EXOC6B: variants seen among roughly 807,000 people sequenced by gnomAD.
EXOC6B encodes SEC15 homolog B.
Under a neutral mutation model 113.5 loss-of-function variants are expected in EXOC6B, and 54 were observed. The observed-to-expected ratio is 0.48, with a 90% CI of 0.38 to 0.60. The LOEUF is 0.60. EXOC6B is among the 20% of genes least tolerant of loss of function. The probability of loss-of-function intolerance (pLI) is 0.00; values close to 1 mark genes in which losing one functional copy is unlikely to be tolerated. For missense variants in EXOC6B, 797 were observed against 977.5 expected, an observed-to-expected ratio of 0.82 and a Z score of 2.46; for synonymous variants, 357 against 339.0, an observed-to-expected ratio of 1.05 and a Z score of -0.58.
chr2:72,188,225 A>G (rs1487630159), intron 20 of EXOC6B, among the ~76,000 whole-genome samples: 1 of 152,222 alleles, frequency 6.6e-6, no homozygotes, highest in Non-Finnish European at 1.5e-5. Context: ...TGCAGCCAGC[A>G]TGATGGCAGT....
rs576097285 is a variant in EXOC6B at position 72,287,815 on chromosome 2, C to T, written c.2196+47132G>A. Among the ~76,000 whole-genome samples the T allele has an allele frequency of 9.9e-5, 15 of 152,216 alleles. No homozygotes were observed. In the South Asian group the frequency reaches 2.3e-3, roughly 23 times the overall value. Reference sequence around the variant, plus strand: ...TTAAGTCCATAATTAATAAACTTCCCATAAAGAAATTTCCTGGTCCATATA... The same window carrying T: ...TTAAGTCCATAATTAATAAACTTCCTATAAAGAAATTTCCTGGTCCATATA... On this transcript the variant is annotated intron_variant, in intron 20 of 21. Transcript: ENST00000272427.
chr2:72,771,096 AGTG>A (rs1476379575), intron 1 of EXOC6B, among the ~76,000 whole-genome samples: 5 of 152,308 alleles, frequency 3.3e-5, no homozygotes, highest in Admixed American at 2.0e-4. Flanking sequence ...TCCTCTGAAA[AGTG>A]GTGACAACTA....
chr2:72,380,493 A>G (rs1343082707), intron 18 of EXOC6B, among the ~76,000 whole-genome samples: 3 of 152,090 alleles, frequency 2.0e-5, no homozygotes, highest in African/African-American at 7.2e-5. Context: ...CAAAAAAATT[A>G]GCTGGGCGTG....
intron 19 of EXOC6B, among the ~76,000 whole-genome samples, chr2:72,347,622 C>T (rs1689413407): frequency 6.6e-6 from 1 of 152,058 alleles, no homozygotes; most frequent in South Asian, 2.1e-4. Flanking sequence ...TTTTATTTAA[C>T]TCAATATATC....
At chr2:72,716,996 C>G (rs1679662403) in intron 6 of EXOC6B, among the ~76,000 whole-genome samples, 1 of 152,054 alleles carries the variant, frequency 6.6e-6, no homozygotes, top group Non-Finnish European at 1.5e-5. Flanking sequence ...AAATACGTAC[C>G]CAGCAATGCT....
chr2:72,729,797 A>C lies in EXOC6B; in HGVS notation c.464+1210T>G, dbSNP rs193138272. ...ATATTAGGGAACTAATAGTACCTTC[A>C]TATCTCAGACAGAACTTCTCATAGT... On this transcript the variant is annotated intron_variant, in intron 5 of 21. Coordinates refer to ENST00000272427, the MANE Select transcript of EXOC6B (RefSeq NM_015189.3). 2.8e-4 allele frequency among the ~76,000 whole-genome samples: 42 copies of C among 152,272 alleles called. No individual in the cohort carries two copies. The East Asian group carries it at 3.7e-3, about 13-fold the overall frequency.
At chr2:72,330,046 C>T (rs994777214) in intron 20 of EXOC6B, among the ~76,000 whole-genome samples, 5 of 151,980 alleles carry the variant, frequency 3.3e-5, no homozygotes, top group African/African-American at 4.8e-5. Context: ...AAGCTCCATT[C>T]GCGAGATCTG....
At position 72,492,399 on chromosome 2, in the gene EXOC6B, T is replaced by C; in HGVS notation, c.1584A>G (p.Lys528=). Residue 528 remains lysine (K), a synonymous_variant, in exon 16 of 22, where the codon AAA becomes AAG. Transcript: ENST00000272427. ...SSTEVDDMIR[K]STNLLLTRTL... ...TCCTGGTTAGCAACAGGTTTGTTGA[T>C]TTCCGAATCATGTCATCAACTTCAG... is the stretch of plus-strand genomic sequence containing the variant. 1.2e-6 allele frequency: 2 copies of C among 1,612,844 alleles called. No homozygotes were observed. The highest frequency in any genetic ancestry group is 1.7e-6 in the Non-Finnish European group (2 of 1,178,998).
intron 1 of EXOC6B, among the ~76,000 whole-genome samples, chr2:72,818,869 ACT>A (rs2105163723): frequency 6.6e-6 from 1 of 152,126 alleles, no homozygotes; most frequent in African/African-American, 2.4e-5. Flanking sequence ...TTGTTGCTTC[ACT>A]CTATTCAAAC....
intron 8 of EXOC6B, among the ~76,000 whole-genome samples, chr2:72,548,218 G>A (rs1402362705): frequency 6.6e-6 from 1 of 152,078 alleles, no homozygotes; most frequent in Non-Finnish European, 1.5e-5. Context: ...GTCACCAAAG[G>A]AAGAATTTGC....
chr2:72,465,470 TCA>T (rs1697988563), intron 17 of EXOC6B, 131 bp from the exon 18 acceptor site: 1 of 665,082 alleles, frequency 1.5e-6, no homozygotes, highest in Non-Finnish European at 2.4e-6. Flanking sequence ...GCCATACATA[TCA>T]CAGTCTTCTT....
intron 6 of EXOC6B, among the ~76,000 whole-genome samples, chr2:72,666,363 A>G (rs1675387333): frequency 6.6e-6 from 1 of 152,164 alleles, no homozygotes; most frequent in African/African-American, 2.4e-5. Flanking sequence ...ACGCACATGG[A>G]ATGTATTCTA....
intron 1 of EXOC6B, among the ~76,000 whole-genome samples, chr2:72,786,558 T>C (rs1684387367): frequency 6.6e-6 from 1 of 152,198 alleles, no homozygotes; most frequent in Non-Finnish European, 1.5e-5. Context: ...TCTAGAGAAA[T>C]ACCAAAACTG....
intron 1 of EXOC6B, among the ~76,000 whole-genome samples, chr2:72,754,955 A>AT (rs968164912): frequency 5.4e-4 from 82 of 151,768 alleles, no homozygotes; most frequent in African/African-American, 1.8e-3. Flanking sequence ...TTAAAAATCT[A>AT]TTTTTTTTAA....
chr2:72,416,620 C>T (rs954616437), intron 18 of EXOC6B, among the ~76,000 whole-genome samples: 11 of 152,124 alleles, frequency 7.2e-5, no homozygotes, highest in Non-Finnish European at 1.3e-4. Context: ...GGTCCTGGTT[C>T]TTCTCTTTGG....
intron 20 of EXOC6B, among the ~76,000 whole-genome samples, chr2:72,269,336 T>C (rs1684334437): frequency 6.6e-6 from 1 of 152,044 alleles, no homozygotes; most frequent in Non-Finnish European, 1.5e-5. Flanking sequence ...GAAACACATA[T>C]ATTGGGTGTA....
Position 72,179,205 on chromosome 2 carries a change from A to T in EXOC6B, c.*130T>A. 4 of 1,034,418 alleles carry T rather than the reference A, an allele frequency of 3.9e-6. No individual in the cohort carries two copies. Among genetic ancestry groups the T allele is most frequent in the Non-Finnish European group, 5.5e-6 (4 of 728,662 alleles). The allele number at this position is 1,034,418 out of a possible 1,614,324, so 64.1% of individuals were successfully genotyped here. On this transcript the variant is annotated 3_prime_UTR_variant, in exon 22 of 22. Coordinates refer to ENST00000272427, the MANE Select transcript of EXOC6B (RefSeq NM_015189.3). The stretch of plus-strand genomic sequence containing the variant: ...TAGGGAAATGTTATGTGAATACTGC[A>T]CAGGGGTTAATAAAAAAATACATAT...
chr2:72,335,134 T>C (rs1013809286), intron 19 of EXOC6B, 114 bp from the exon 20 acceptor site: 5 of 878,438 alleles, frequency 5.7e-6, no homozygotes, highest in East Asian at 4.9e-5. Flanking sequence ...ACCAAGCTTC[T>C]AAGGAGTCAT....
At chr2:72,443,161 C>A (rs1696326182) in intron 18 of EXOC6B, among the ~76,000 whole-genome samples, 1 of 151,804 alleles carries the variant, frequency 6.6e-6, no homozygotes, top group African/African-American at 2.4e-5. Context: ...CCCATCTCTA[C>A]TAAAAATACA....
Sources: allele counts gnomAD v4.1 joint callset (sites outside exome capture counted in the v4.1 genomes callset), GRCh38; gene constraint gnomAD v4.1.1; transcripts MANE v1.5; gene names NCBI Gene and HGNC (gene_info 2026-07-23, HGNC 2026-07-21).